MITF: variants seen among roughly 807,000 people sequenced by gnomAD.
MITF encodes the protein melanocyte inducing transcription factor, also known as microphthalmia-associated transcription factor.
MITF carries 17 observed loss-of-function variants against 60.5 expected under a neutral mutation model. That is an observed-to-expected ratio of 0.28 (90% CI 0.19 to 0.42). The LOEUF is 0.42. Ranked by LOEUF, MITF falls within the 10% of genes least tolerant of loss-of-function variation. The probability of loss-of-function intolerance (pLI) is 1.00; values close to 1 mark genes in which losing one functional copy is unlikely to be tolerated. For synonymous variants in MITF, 260 were observed against 248.5 expected (o/e 1.05, Z -0.43); for missense variants, 622 against 683.5 (o/e 0.91, Z 1.00).
chr3:69,926,673 G>A (rs994112609), intron 2 of MITF, among the ~76,000 whole-genome samples: 5 of 152,106 alleles, frequency 3.3e-5, no homozygotes, highest in Non-Finnish European at 7.4e-5. Flanking sequence ...TGGTGGGGGG[G>A]ATCTGGACGG....
At chr3:69,917,437 T>C (rs1279429353) in intron 2 of MITF, among the ~76,000 whole-genome samples, 1 of 151,000 alleles carries the variant, frequency 6.6e-6, no homozygotes, top group Non-Finnish European at 1.5e-5. Flanking sequence ...CTTATGATTC[T>C]GCTCTTAGAT....
intron 4 of MITF, 93 bp from the exon 5 acceptor site, chr3:69,941,143 G>T: frequency 1.3e-6 from 1 of 776,104 alleles, no homozygotes; most frequent in Non-Finnish European, 2.2e-6. Context: ...GACCATTATT[G>T]CTTTGGGTAA....
chr3:69,953,047 G>A (rs558011677), intron 7 of MITF, among the ~76,000 whole-genome samples: 4 of 152,174 alleles, frequency 2.6e-5, no homozygotes, highest in Non-Finnish European at 5.9e-5. Flanking sequence ...GTTAGAAACC[G>A]AACTGAGAGG....
chr3:69,888,958 G>T (rs1039436486), intron 2 of MITF, among the ~76,000 whole-genome samples: 1 of 150,490 alleles, frequency 6.6e-6, no homozygotes, highest in Non-Finnish European at 1.5e-5. Context: ...GTATTGGCTC[G>T]GTGTGATTTG....
intron 1 of MITF, among the ~76,000 whole-genome samples, chr3:69,840,578 C>G (rs527920439): frequency 6.6e-6 from 1 of 151,678 alleles, no homozygotes; most frequent in Non-Finnish European, 1.5e-5. Flanking sequence ...TACCAAAGAG[C>G]TTTTTTTAAA....
chr3:69,883,243 G>T (rs1431358837), intron 2 of MITF, among the ~76,000 whole-genome samples: 1 of 152,176 alleles, frequency 6.6e-6, no homozygotes, highest in Non-Finnish European at 1.5e-5. Context: ...TGTAATTAGT[G>T]ATGATGCTTG....
intron 1 of MITF, among the ~76,000 whole-genome samples, chr3:69,864,663 A>G (rs2064079278): frequency 6.6e-6 from 1 of 152,118 alleles, no homozygotes. Flanking sequence ...TTTCTTGTTC[A>G]TCTTGAAACA....
chr3:69,780,670 A>C (rs2062548378), intron 1 of MITF, among the ~76,000 whole-genome samples: 1 of 152,186 alleles, frequency 6.6e-6, no homozygotes, highest in Admixed American at 6.5e-5. Context: ...CGTTGGTTTC[A>C]GGACCTCTTG....
intron 1 of MITF, among the ~76,000 whole-genome samples, chr3:69,765,759 T>G (rs1007452525): frequency 1.3e-5 from 2 of 152,198 alleles, no homozygotes; most frequent in Admixed American, 6.5e-5. Context: ...AAGCACTGAT[T>G]TGCATTGCTG....
Position 69,968,086 on chromosome 3 carries a change from A to T in MITF, c.*2838A>T, listed in dbSNP as rs2066734540. ...AGGAATGAACTTATTAATATTTTTG[A>T]AAAATGCACTGGGAAAAAGTTGATG... On this transcript the variant is annotated 3_prime_UTR_variant, in exon 10 of 10. Coordinates refer to ENST00000352241, the MANE Select transcript of MITF (RefSeq NM_001354604.2). 8.6e-6 allele frequency: 2 copies of T among 233,456 alleles called. No homozygotes were observed. Among genetic ancestry groups the T allele is most frequent in the South Asian group, 3.6e-4 (2 of 5,508 alleles). 14.5% of individuals were successfully genotyped at this position (233,456 alleles called of 1,614,324 possible).
At chr3:69,848,664 A>G (rs1315609945) in intron 1 of MITF, among the ~76,000 whole-genome samples, 1 of 152,218 alleles carries the variant, frequency 6.6e-6, no homozygotes, top group Non-Finnish European at 1.5e-5. Flanking sequence ...GGGCTTTGCA[A>G]AAATTTATGT....
intron 1 of MITF, among the ~76,000 whole-genome samples, chr3:69,746,518 G>A (rs1016029522): frequency 2.0e-5 from 3 of 152,018 alleles, no homozygotes; most frequent in African/African-American, 4.8e-5. Flanking sequence ...TTTTTTGTGT[G>A]TGTGTATGTT....
chr3:69,802,601 T>C (rs2062938774), intron 1 of MITF, among the ~76,000 whole-genome samples: 1 of 151,968 alleles, frequency 6.6e-6, no homozygotes, highest in South Asian at 2.1e-4. Flanking sequence ...TCACCATTCA[T>C]TTGTGTATTG....
intron 1 of MITF, among the ~76,000 whole-genome samples, chr3:69,847,768 C>T (rs544965171): frequency 3.5e-4 from 53 of 152,184 alleles, no homozygotes; most frequent in Non-Finnish European, 6.3e-4. Context: ...TTTGTGGACT[C>T]CTCCAAGACT....
intron 2 of MITF, chr3:69,936,947 CTTTTTTT>C: frequency 4.8e-5 from 13 of 272,908 alleles, no homozygotes; most frequent in South Asian, 3.3e-4. Flanking sequence ...TAGTAGGATT[CTTTTTTT>C]TTTTTTTTTT....
intron 1 of MITF, among the ~76,000 whole-genome samples, chr3:69,811,775 C>T (rs1408454140): frequency 2.0e-5 from 3 of 152,136 alleles, no homozygotes; most frequent in Admixed American, 6.5e-5. Context: ...TTGATTACCA[C>T]CTTGGTCTTT....
intron 3 of MITF, 104 bp from the exon 4 acceptor site, chr3:69,938,994 G>T (rs1050540624): frequency 6.4e-7 from 1 of 1,553,316 alleles, no homozygotes; most frequent in Non-Finnish European, 8.7e-7. Context: ...TTGTTTGAAA[G>T]CTTAGTTCAT....
chr3:69,959,069 C>T (rs950842046), intron 8 of MITF, among the ~76,000 whole-genome samples: 8 of 152,090 alleles, frequency 5.3e-5, no homozygotes, highest in Admixed American at 3.9e-4. Flanking sequence ...ACAGTGTACA[C>T]GGCTTGGGTG....
At position 69,949,034 on chromosome 3, in the gene MITF, T is replaced by C. The variant is rs1364164629; in HGVS notation, c.763-17T>C. On this transcript the variant is annotated splice_polypyrimidine_tract_variant and intron_variant, in intron 5 of 9. Transcript: ENST00000352241. ...TTGTTCAACAGTTAATTTCTGTTACTGTTTGTCTCTCTCTAGTTGCCTGTC... is the reference window on the plus strand; with the variant it reads ...TTGTTCAACAGTTAATTTCTGTTACCGTTTGTCTCTCTCTAGTTGCCTGTC... The C allele has an allele frequency of 1.9e-6, 3 of 1,559,644 alleles. No homozygotes were observed. Among genetic ancestry groups the C allele is most frequent in the Non-Finnish European group, 1.8e-6 (2 of 1,130,490 alleles).
Sources: allele counts gnomAD v4.1 joint callset (sites outside exome capture counted in the v4.1 genomes callset), GRCh38; gene constraint gnomAD v4.1.1; transcripts MANE v1.5; gene names NCBI Gene and HGNC (gene_info 2026-07-23, HGNC 2026-07-21).